The following NCAN variants were observed in gnomAD, a reference collection of about 807,000 sequenced individuals.
NCAN encodes the protein neurocan core protein.
Under a neutral mutation model 121.8 loss-of-function variants are expected in NCAN, and 47 were observed. The ratio of observed to expected loss-of-function variants is 0.39; its 90% CI spans 0.31 to 0.49. The LOEUF (loss-of-function observed/expected upper bound fraction) is 0.49. Ranked by LOEUF, NCAN falls within the 20% of genes least tolerant of loss-of-function variation. The pLI, the probability that NCAN is intolerant of heterozygous loss-of-function variation, is 0.92. For missense variants in NCAN, 1,517 were observed against 1,773.4 expected (o/e 0.86, Z 2.60); for synonymous variants, 633 against 702.0 (o/e 0.90, Z 1.55).
chr19:19,222,435 C>T (rs1194950440), intron 3 of NCAN, among the ~76,000 whole-genome samples: 1 of 152,142 alleles, frequency 6.6e-6, no homozygotes, highest in African/African-American at 2.4e-5. Context: ...CACACAACCA[C>T]ACCTGGCTAA....
At position 19,246,620 on chromosome 19, in the gene NCAN, G is replaced by A. The variant is rs558206820; in HGVS notation, c.3637+1163G>A. 1.3e-4 allele frequency among the ~76,000 whole-genome samples: 19 copies of A among 151,572 alleles called. No individual in the cohort carries two copies. In the South Asian group the frequency reaches 3.6e-3, roughly 29 times the overall value. On this transcript the variant is annotated intron_variant, in intron 13 of 14. Transcript: ENST00000252575. Reference sequence around the variant, plus strand: ...GCAGTCTCGGCTCACTGCAACCTCCGCCTCTGAGGTTCAAGCGATTCTCCT... The same window carrying A: ...GCAGTCTCGGCTCACTGCAACCTCCACCTCTGAGGTTCAAGCGATTCTCCT...
chr19:19,239,025 T>G (rs2060891976), intron 11 of NCAN, among the ~76,000 whole-genome samples: 1 of 152,146 alleles, frequency 6.6e-6, no homozygotes, highest in Non-Finnish European at 1.5e-5. Flanking sequence ...CTTCCTTCCC[T>G]GATTTGTTTC....
At position 19,228,124 on chromosome 19, in the gene NCAN, C is replaced by T. The variant is rs147095049; in HGVS notation, c.2504C>T (p.Pro835Leu). 4.5e-5 allele frequency: 73 copies of T among 1,613,668 alleles called. No homozygotes were observed. The African/African-American group carries it at 5.9e-4, about 13-fold the overall frequency. ...AATCCCATGGATTCCACAGTCACGC[C>T]GGCCCCCAGTGATGCTAGTGGAATT... Reference protein sequence around the residue: ...TVNPMDSTVTPAPSDASGIWE... With the variant: ...TVNPMDSTVTLAPSDASGIWE... Residue 835 changes from proline to leucine, a missense_variant, in exon 8 of 15, where the codon CCG (proline) becomes CTG (leucine). Coordinates refer to ENST00000252575, the MANE Select transcript of NCAN (RefSeq NM_004386.3).
At chr19:19,241,170 C>T (rs569693107) in intron 12 of NCAN, among the ~76,000 whole-genome samples, 4 of 152,106 alleles carry the variant, frequency 2.6e-5, no homozygotes, top group South Asian at 4.1e-4. Flanking sequence ...GCGTGAGAAT[C>T]GCTTGAACCT....
Position 19,240,670 on chromosome 19 carries a change from G to C in NCAN, c.3477G>C (p.Thr1159=), listed in dbSNP as rs769228339. Reference sequence around the variant, plus strand: ...TCGTGGAGAGAGATTTCCAGTGGACGGACAACACCGGGCTGGTGAGTGGCA... The same window carrying C: ...TCGTGGAGAGAGATTTCCAGTGGACCGACAACACCGGGCTGGTGAGTGGCA... ...DRIVERDFQW[T]DNTGLQFENW... The change falls in exon 12 of 15, where the codon ACG becomes ACC. Residue 1159 remains threonine (T), a synonymous_variant. Coordinates refer to ENST00000252575, the MANE Select transcript of NCAN (RefSeq NM_004386.3). The C allele has an allele frequency of 6.2e-7, 1 of 1,613,974 alleles. No homozygotes were observed. Among genetic ancestry groups the C allele is most frequent in the African/African-American group, 1.3e-5 (1 of 74,946 alleles).
At chr19:19,233,708 T>C in intron 8 of NCAN, 81 bp from the exon 9 acceptor site, 1 of 861,790 alleles carries the variant, frequency 1.2e-6, no homozygotes, top group Non-Finnish European at 2.0e-6. Context: ...TTAGAGTGGT[T>C]TGGGGGCCTG....
At chr19:19,248,996 G>A in intron 14 of NCAN, 114 bp downstream of exon 14, 1 of 1,155,830 alleles carries the variant, frequency 8.7e-7, no homozygotes, top group Non-Finnish European at 1.2e-6. Flanking sequence ...TGATAATACA[G>A]CCTTGCAGAT....
At chr19:19,240,467 C>A in intron 11 of NCAN, 136 bp from the exon 12 acceptor site, 1 of 763,504 alleles carries the variant, frequency 1.3e-6, no homozygotes. Flanking sequence ...TCTTTCCCCC[C>A]ACCCAGCCCA....
At chr19:19,243,911 A>G (rs188168247) in intron 12 of NCAN, among the ~76,000 whole-genome samples, 1 of 151,390 alleles carries the variant, frequency 6.6e-6, no homozygotes, top group Admixed American at 6.6e-5. Flanking sequence ...CTGTAATCCC[A>G]GCTACTCAGG....
chr19:19,213,511 G>T (rs1001485600), intron 1 of NCAN, among the ~76,000 whole-genome samples: 15 of 149,950 alleles, frequency 1.0e-4, no homozygotes, highest in African/African-American at 2.4e-4. Context: ...TATGTGGGGG[G>T]GGGGGGGCCC....
chr19:19,232,364 G>GGT (rs2146547433), intron 8 of NCAN, among the ~76,000 whole-genome samples: 1 of 152,374 alleles, frequency 6.6e-6, no homozygotes, highest in African/African-American at 2.4e-5. Flanking sequence ...TCCGTGGGCA[G>GGT]GTGTCAGCAG....
At position 19,226,547 on chromosome 19, in the gene NCAN, G is replaced by A; in HGVS notation, c.1134G>A (p.Glu378=). The change falls in exon 7 of 15, where the codon GAG becomes GAA. Residue 378 remains glutamate, a synonymous_variant. Coordinates refer to ENST00000252575, the MANE Select transcript of NCAN (RefSeq NM_004386.3). ...CCCCATCCTCTGGGGATGAGGGGGA[G>A]ATTCTGTCAGCAGAGGGGCCCCCAG... ...LETPSSGDEG[E]ILSAEGPPVR... 2 of 1,613,066 alleles carry A rather than the reference G, an allele frequency of 1.2e-6. No homozygotes were observed. The highest frequency in any genetic ancestry group is 1.7e-6 in the Non-Finnish European group (2 of 1,179,256).
intron 5 of NCAN, 116 bp downstream of exon 5, chr19:19,224,549 A>C: frequency 7.5e-7 from 1 of 1,330,694 alleles, no homozygotes; most frequent in Non-Finnish European, 1.0e-6. Flanking sequence ...TACCTCCCTA[A>C]ACCTGCAACC....
chr19:19,227,937 G>A lies in NCAN; in HGVS notation c.2317G>A (p.Ala773Thr), dbSNP rs1464569658. 27 of 1,613,438 alleles carry A rather than the reference G, an allele frequency of 1.7e-5. No individual in the cohort carries two copies. In the East Asian group the frequency reaches 2.0e-4, roughly 12 times the overall value. Residue 773 changes from alanine to threonine, a missense_variant, in exon 8 of 15, where the codon GCC (alanine) becomes ACC (threonine). By Grantham distance (58) the Ala-to-Thr change is moderately conservative. Transcript: ENST00000252575. This position sits in a 1 kb window ranked among gnomAD's most constrained non-coding sequence, Gnocchi z 4.2. ...TAESPTSGLQ[A>T]TVDEVQDPWP... ...AGAAAGCCCCACTTCTGGCTTGCAG[G>A]CCACTGTAGATGAGGTGCAGGACCC...
At chr19:19,246,065 T>C (rs2060923354) in intron 13 of NCAN, among the ~76,000 whole-genome samples, 1 of 152,176 alleles carries the variant, frequency 6.6e-6, no homozygotes, top group Non-Finnish European at 1.5e-5. Context: ...TGGAGACAGT[T>C]TCGCTCTTGT....
chr19:19,223,936 G>A, intron 3 of NCAN, 85 bp from the exon 4 acceptor site: 1 of 1,357,682 alleles, frequency 7.4e-7, no homozygotes, highest in Non-Finnish European at 9.9e-7. Flanking sequence ...GACAGGGGTG[G>A]GGAGTCATTC....
intron 1 of NCAN, among the ~76,000 whole-genome samples, chr19:19,213,498 GT>G (rs1444532110): frequency 1.7e-5 from 2 of 116,020 alleles, no homozygotes; most frequent in Non-Finnish European, 3.5e-5. Flanking sequence ...TCATCAAGGG[GT>G]TTATGTGGGG....
Position 19,228,036 on chromosome 19 carries a change from T to C in NCAN, c.2416T>C (p.Leu806=), listed in dbSNP as rs2146544078. The C allele has an allele frequency of 6.2e-7, 1 of 1,613,480 alleles. No individual in the cohort carries two copies. Among genetic ancestry groups the C allele is most frequent in the South Asian group, 1.1e-5 (1 of 91,090 alleles). ...CCCCCTGGGGAGCCCTGGAGTCTTC[T>C]TGGTACCCAAAGTCACCCCAAATTT... ...SAPLGSPGVF[L]VPKVTPNLEP... The change falls in exon 8 of 15, where the codon TTG becomes CTG. Residue 806 remains leucine (L), a synonymous_variant. Coordinates refer to ENST00000252575, the MANE Select transcript of NCAN (RefSeq NM_004386.3).
chr19:19,237,399 G>T (rs2060885059), intron 10 of NCAN, among the ~76,000 whole-genome samples: 1 of 151,300 alleles, frequency 6.6e-6, no homozygotes, highest in Non-Finnish European at 1.5e-5. Context: ...TGAGGCAGGA[G>T]AATTGCTTGA....
Sources: gnomAD v4.1 joint callset for allele counts (sites outside exome capture counted in the v4.1 genomes callset) on GRCh38, gnomAD v4.1.1 for gene constraint, Gnocchi (gnomAD v3.1) non-coding constraint, MANE v1.5 for transcripts, NCBI Gene and HGNC (gene_info 2026-07-23, HGNC 2026-07-21) for gene names.